Variants in AVEN observed in about 807,000 individuals in gnomAD.
AVEN encodes cell death regulator Aven.
Under a neutral mutation model 38.1 loss-of-function variants are expected in AVEN, and 41 were observed. The ratio of observed to expected loss-of-function variants is 1.08; its 90% confidence interval spans 0.84 to 1.40. AVEN has a LOEUF of 1.40. Ranked by LOEUF, AVEN falls within the 40% of genes most tolerant of loss-of-function variation. The pLI is 0.00. For synonymous variants in AVEN, 206 were observed against 171.8 expected, an observed-to-expected ratio of 1.20 and a Z score of -1.56; for missense variants, 605 against 438.8, an observed-to-expected ratio of 1.38 and a Z score of -3.38.
At chr15:33,871,614 T>G (rs951998167) in intron 3 of AVEN, among the ~76,000 whole-genome samples, 1 of 152,108 alleles carries the variant, frequency 6.6e-6, no homozygotes, top group African/African-American at 2.4e-5. Flanking sequence ...TGGAGGCTTT[T>G]GCAATGACTG....
intron 2 of AVEN, chr15:33,972,462 G>A (rs1198154257): frequency 1.3e-5 from 2 of 151,836 alleles, no homozygotes; most frequent in South Asian, 2.1e-4. Flanking sequence ...AGGGCAGGGA[G>A]GGGGCTGGTT....
At chr15:34,006,439 A>G (rs1249396011) in intron 1 of AVEN, among the ~76,000 whole-genome samples, 1 of 152,248 alleles carries the variant, frequency 6.6e-6, no homozygotes, top group East Asian at 1.9e-4. Flanking sequence ...AACAGAGTTC[A>G]GAGAGGCTTC....
intron 1 of AVEN, among the ~76,000 whole-genome samples, chr15:34,017,455 A>G (rs565581444): frequency 3.9e-4 from 59 of 150,418 alleles, no homozygotes; most frequent in Non-Finnish European, 6.5e-4. Flanking sequence ...ATTAACCAAG[A>G]TAAGTGATTT....
intron 2 of AVEN, among the ~76,000 whole-genome samples, chr15:33,894,227 G>C (rs1388355191): frequency 6.6e-6 from 1 of 151,990 alleles, no homozygotes; most frequent in Non-Finnish European, 1.5e-5. Context: ...TGGGATTAAA[G>C]GTGTGAGCTA....
intron 1 of AVEN, among the ~76,000 whole-genome samples, chr15:34,010,338 TAAAAG>T (rs971959158): frequency 1.3e-5 from 2 of 152,062 alleles, no homozygotes; most frequent in Non-Finnish European, 2.9e-5. Flanking sequence ...AATAAATAAA[TAAAAG>T]AAGTTGCCAA....
At chr15:33,906,059 A>T (rs1892688419) in intron 2 of AVEN, among the ~76,000 whole-genome samples, 1 of 152,152 alleles carries the variant, frequency 6.6e-6, no homozygotes, top group African/African-American at 2.4e-5. Flanking sequence ...CATTTTATTA[A>T]CATCATTGCC....
In AVEN at chr15:34,006,742, GAGAC is replaced by G. The variant is rs551256121; in HGVS notation, c.268-3537_268-3534del. Among the ~76,000 whole-genome samples the G allele has an allele frequency of 9.9e-5, 15 of 152,280 alleles. No individual in the cohort carries two copies. In the South Asian group the frequency reaches 3.1e-3, roughly 32 times the overall value. On this transcript the variant is annotated intron_variant, in intron 1 of 5. Transcript: ENST00000306730. ...ATCTCATTACCCCTACACAAATGCA[GAGAC>G]AGAGTTGTCATTAGCCTTCATTCAC...
chr15:33,940,236 A>G (rs1490955091), intron 2 of AVEN, among the ~76,000 whole-genome samples: 1 of 152,246 alleles, frequency 6.6e-6, no homozygotes, highest in Non-Finnish European at 1.5e-5. Flanking sequence ...TGAACAAGTA[A>G]TGTAAGTCTG....
At chr15:33,902,048 T>C (rs186249319) in intron 2 of AVEN, among the ~76,000 whole-genome samples, 62 of 152,364 alleles carry the variant, frequency 4.1e-4, no homozygotes, top group African/African-American at 1.2e-3. Context: ...CATGTATTTA[T>C]TTATCTTTGC....
intron 2 of AVEN, among the ~76,000 whole-genome samples, chr15:33,936,040 A>T (rs952432780): frequency 3.9e-5 from 6 of 152,208 alleles, no homozygotes; most frequent in African/African-American, 1.4e-4. Context: ...AAGCAAAAAT[A>T]CGAATGGAAG....
At chr15:33,914,926 A>T (rs1181449057) in intron 2 of AVEN, among the ~76,000 whole-genome samples, 1 of 152,082 alleles carries the variant, frequency 6.6e-6, no homozygotes, top group Non-Finnish European at 1.5e-5. Flanking sequence ...GGTCTTTAAA[A>T]CCATTTGCAC....
At chr15:34,062,616 A>C (rs1900379004) in intron 5 of AVEN, 8 of 1,029,906 alleles carry the variant, frequency 7.8e-6, no homozygotes, top group Non-Finnish European at 1.1e-5. Flanking sequence ...CTGGTGTGCG[A>C]AGCTAATGTG....
chr15:33,864,632 G>C (rs1597146709), downstream of AVEN: 1 of 173,720 alleles, frequency 5.8e-6, no homozygotes, highest in East Asian at 1.5e-4. Flanking sequence ...CAAATTTTGT[G>C]ACTAAATGTG....
chr15:33,890,051 C>G (rs1460417360), intron 2 of AVEN, among the ~76,000 whole-genome samples: 1 of 152,196 alleles, frequency 6.6e-6, no homozygotes, highest in Non-Finnish European at 1.5e-5. Flanking sequence ...ACGTGCCAAA[C>G]TGATCTTCTC....
intron 2 of AVEN, among the ~76,000 whole-genome samples, chr15:33,936,616 TTTGTC>T (rs1894068507): frequency 6.6e-6 from 1 of 152,164 alleles, no homozygotes; most frequent in Admixed American, 6.5e-5. Flanking sequence ...TTTGGGGACT[TTTGTC>T]TTGTTTTGTG....
At chr15:33,937,783 G>A (rs929206251) in intron 2 of AVEN, among the ~76,000 whole-genome samples, 2 of 151,910 alleles carry the variant, frequency 1.3e-5, no homozygotes, top group Non-Finnish European at 2.9e-5. Context: ...CAAACCAAAT[G>A]AGAGAGCTCT....
chr15:34,070,773 C>T lies in AVEN; in HGVS notation n.721-122G>A, dbSNP rs559548610. The stretch of plus-strand genomic sequence containing the variant: ...TAAGTAATAACAGGCAAAAGACTGA[C>T]ACTGTTAAATATTCACATTAAACTC... On this transcript the variant is annotated intron_variant and non_coding_transcript_variant, in intron 1 of 11. Transcript: ENST00000675287. Among the ~76,000 whole-genome samples, 55 of 152,314 alleles carry T rather than the reference C, an allele frequency of 3.6e-4. 1 individual carries two copies. The South Asian group carries it at 0.01, about 29-fold the overall frequency.
chr15:33,971,832 T>C (rs891650459), intron 2 of AVEN, among the ~76,000 whole-genome samples: 5 of 152,108 alleles, frequency 3.3e-5, no homozygotes, highest in Non-Finnish European at 7.4e-5. Context: ...TGACCAAATT[T>C]GAATAAGGAT....
At chr15:33,947,079 A>G (rs1376886308) in intron 2 of AVEN, among the ~76,000 whole-genome samples, 1 of 152,182 alleles carries the variant, frequency 6.6e-6, no homozygotes, top group Admixed American at 6.5e-5. Context: ...CAGGGACCCC[A>G]AGCATAACTG....
Sources: gnomAD v4.1 joint callset for allele counts (sites outside exome capture counted in the v4.1 genomes callset) on GRCh38, gnomAD v4.1.1 for gene constraint, MANE v1.5 for transcripts, NCBI Gene and HGNC (gene_info 2026-07-23, HGNC 2026-07-21) for gene names.